The following ST8SIA4 variants were observed in gnomAD, a reference collection of about 807,000 sequenced individuals.
ST8SIA4 encodes the protein ST8 alpha-N-acetyl-neuraminide alpha-2,8-sialyltransferase 4, also known as CMP-N-acetylneuraminate-poly-alpha-2,8-sialyltransferase.
In ST8SIA4, 15 loss-of-function variants were observed where a neutral mutation model predicts 33.9. The observed-to-expected ratio is 0.44, with a 90% CI of 0.30 to 0.68. The LOEUF (loss-of-function observed/expected upper bound fraction) is 0.68, where lower values mean the gene tolerates loss of function less well. Among genes scored for constraint, ST8SIA4 ranks in the 30% least tolerant of loss-of-function variants. The pLI, the probability that ST8SIA4 is intolerant of heterozygous loss-of-function variation, is 0.10. For synonymous variants in ST8SIA4, 171 were observed against 151.2 expected, an observed-to-expected ratio of 1.13 and a Z score of -0.96; for missense variants, 321 against 428.0, an observed-to-expected ratio of 0.75 and a Z score of 2.21.
chr5:100,832,463 G>A (rs1050451888), intron 4 of ST8SIA4, among the ~76,000 whole-genome samples: 40 of 152,104 alleles, frequency 2.6e-4, no homozygotes, highest in African/African-American at 9.4e-4. Flanking sequence ...ATGATAAGAA[G>A]AGAAATTTGC....
chr5:100,866,441 AG>A (rs1752060847), intron 3 of ST8SIA4, among the ~76,000 whole-genome samples: 1 of 152,108 alleles, frequency 6.6e-6, no homozygotes, highest in Non-Finnish European at 1.5e-5. Flanking sequence ...TCTTTCAAAG[AG>A]TAAACTAAAA....
chr5:100,849,518 A>G (rs1251030752), intron 4 of ST8SIA4: 3 of 945,678 alleles, frequency 3.2e-6, no homozygotes, highest in Non-Finnish European at 1.3e-6. Flanking sequence ...GCGGTGGCTC[A>G]CGCCTGTAAT....
At chr5:100,875,064 A>G (rs576675660) in intron 3 of ST8SIA4, among the ~76,000 whole-genome samples, 17 of 152,316 alleles carry the variant, frequency 1.1e-4, no homozygotes, top group African/African-American at 4.1e-4. Flanking sequence ...GTGGCATTAA[A>G]GAAGTGTTAT....
intron 4 of ST8SIA4, among the ~76,000 whole-genome samples, chr5:100,836,526 G>A (rs1751364875): frequency 2.0e-5 from 3 of 151,836 alleles, no homozygotes. Flanking sequence ...AATGTAGAAA[G>A]GAAGGTTCAC....
intron 2 of ST8SIA4, among the ~76,000 whole-genome samples, chr5:100,892,233 G>A (rs1030389688): frequency 3.3e-5 from 5 of 151,992 alleles, no homozygotes; most frequent in African/African-American, 9.7e-5. Flanking sequence ...GCAAGTATTG[G>A]ACATAACTAC....
intron 4 of ST8SIA4, among the ~76,000 whole-genome samples, chr5:100,851,049 C>T (rs1243786722): frequency 6.7e-6 from 1 of 149,640 alleles, no homozygotes; most frequent in Non-Finnish European, 1.5e-5. Context: ...AACCTCTGCC[C>T]CCTGGGCTTA....
intron 2 of ST8SIA4, among the ~76,000 whole-genome samples, chr5:100,892,144 C>T (rs537770941): frequency 4.0e-5 from 6 of 151,864 alleles, no homozygotes; most frequent in South Asian, 2.1e-4. Flanking sequence ...TTGCACTTTT[C>T]GGGGTTTCTA....
Position 100,811,245 on chromosome 5 carries a change from T to C in ST8SIA4, c.*602A>G, listed in dbSNP as rs958891583. 3 of 152,564 alleles carry C rather than the reference T, an allele frequency of 2.0e-5. No individual in the cohort carries two copies. Among genetic ancestry groups the C allele is most frequent in the African/African-American group, 7.2e-5 (3 of 41,422 alleles). The allele number at this position is 152,564 out of a possible 1,614,324, so 9.5% of individuals were successfully genotyped here. On this transcript the variant is annotated 3_prime_UTR_variant, in exon 5 of 5. Transcript: ENST00000231461. Reference sequence around the variant, plus strand: ...TTTAAAAATAATTACTTAAAGTTTATTTCCTCACTCATATGCATCTCAGAA... The same window carrying C: ...TTTAAAAATAATTACTTAAAGTTTACTTCCTCACTCATATGCATCTCAGAA...
At chr5:100,894,258 A>T (rs1752734233) in intron 2 of ST8SIA4, among the ~76,000 whole-genome samples, 1 of 152,076 alleles carries the variant, frequency 6.6e-6, no homozygotes, top group Admixed American at 6.6e-5. Context: ...GAGTTTATGG[A>T]AATCTGTACT....
intron 3 of ST8SIA4, among the ~76,000 whole-genome samples, chr5:100,871,280 G>A (rs1443234162): frequency 6.6e-6 from 1 of 151,960 alleles, no homozygotes; most frequent in African/African-American, 2.4e-5. Flanking sequence ...ATAAAAAATC[G>A]ATTGAATTAT....
intron 4 of ST8SIA4, among the ~76,000 whole-genome samples, chr5:100,831,983 T>C (rs1223613838): frequency 6.6e-6 from 1 of 152,048 alleles, no homozygotes; most frequent in African/African-American, 2.4e-5. Flanking sequence ...TTATTTAAAA[T>C]ATTGGTTCTA....
At chr5:100,826,959 T>TAC (rs1480825094) in intron 4 of ST8SIA4, among the ~76,000 whole-genome samples, 2 of 133,582 alleles carry the variant, frequency 1.5e-5, no homozygotes, top group Admixed American at 1.5e-4. Context: ...TGTGTGTGTA[T>TAC]ATACACACAC....
In ST8SIA4 at chr5:100,811,779, A is replaced by T; in HGVS notation, c.*68T>A. Reference sequence around the variant, plus strand: ...ATGCTGAAACCCAGCCGTGTTTTGGATCCTATTTTCAAATCTTCGGAAGCA... The same window carrying T: ...ATGCTGAAACCCAGCCGTGTTTTGGTTCCTATTTTCAAATCTTCGGAAGCA... On this transcript the variant is annotated 3_prime_UTR_variant, in exon 5 of 5. Transcript: ENST00000231461. The T allele has an allele frequency of 6.7e-7, 1 of 1,488,972 alleles. No individual in the cohort carries two copies. Among genetic ancestry groups the T allele is most frequent in the Non-Finnish European group, 9.0e-7 (1 of 1,109,194 alleles). The allele number at this position is 1,488,972 out of a possible 1,614,324, so 92.2% of individuals were successfully genotyped here.
intron 4 of ST8SIA4, among the ~76,000 whole-genome samples, chr5:100,827,695 G>A (rs1751173450): frequency 6.6e-6 from 1 of 152,180 alleles, no homozygotes; most frequent in Non-Finnish European, 1.5e-5. Context: ...TTCTCACAGT[G>A]GGTGGGTCCT....
intron 1 of ST8SIA4, among the ~76,000 whole-genome samples, chr5:100,897,583 G>T (rs2112484929): frequency 2.0e-5 from 3 of 152,054 alleles, no homozygotes; most frequent in Admixed American, 1.3e-4. Context: ...TCCTCTCCTA[G>T]TATCAATGGA....
At chr5:100,824,312 A>G (rs1185801740) in intron 4 of ST8SIA4, among the ~76,000 whole-genome samples, 3 of 152,240 alleles carry the variant, frequency 2.0e-5, no homozygotes, top group Admixed American at 6.5e-5. Context: ...TAGAGGTTCA[A>G]AAAGAAACTA....
chr5:100,843,732 A>T (rs1751513687), intron 4 of ST8SIA4, among the ~76,000 whole-genome samples: 1 of 151,952 alleles, frequency 6.6e-6, no homozygotes, highest in Non-Finnish European at 1.5e-5. Context: ...TGTATGCGTT[A>T]TCATGAGGAA....
intron 3 of ST8SIA4, among the ~76,000 whole-genome samples, chr5:100,883,702 G>C (rs1250547863): frequency 1.3e-5 from 2 of 152,136 alleles, no homozygotes; most frequent in African/African-American, 4.8e-5. Flanking sequence ...TACTGTTCTC[G>C]TGGTAGTGAA....
chr5:100,895,894 C>T (rs1752770138), intron 1 of ST8SIA4, 109 bp from the exon 2 acceptor site: 3 of 1,212,218 alleles, frequency 2.5e-6, no homozygotes, highest in Non-Finnish European at 3.4e-6. Context: ...GATACTTTTT[C>T]CCCTACAAGT....
Sources: allele counts gnomAD v4.1 joint callset (sites outside exome capture counted in the v4.1 genomes callset), GRCh38; gene constraint gnomAD v4.1.1; transcripts MANE v1.5; gene names NCBI Gene and HGNC (gene_info 2026-07-23, HGNC 2026-07-21).